Variants in PRIMPOL observed in about 807,000 individuals in gnomAD.
PRIMPOL encodes DNA-directed primase/polymerase protein.
Under a neutral mutation model 63.6 loss-of-function variants are expected in PRIMPOL, and 54 were observed. The ratio of observed to expected loss-of-function variants is 0.85; its 90% CI spans 0.68 to 1.07. The LOEUF is 1.07. Among genes scored for constraint, PRIMPOL ranks in the 50% least tolerant of loss-of-function variants. The probability of loss-of-function intolerance (pLI) is 0.00; values close to 1 mark genes in which losing one functional copy is unlikely to be tolerated. For missense variants in PRIMPOL, 610 were observed against 648.3 expected (o/e 0.94, Z 0.64); for synonymous variants, 197 against 220.2 (o/e 0.89, Z 0.93).
intron 2 of PRIMPOL, among the ~76,000 whole-genome samples, chr4:184,655,649 GTTTT>G (rs1453693141): frequency 3.9e-5 from 6 of 152,066 alleles, no homozygotes; most frequent in Non-Finnish European, 8.8e-5. Context: ...GGAGATTCTG[GTTTT>G]CCTTCCAGGA....
At chr4:184,673,295 A>G (rs1752367311) in intron 7 of PRIMPOL, among the ~76,000 whole-genome samples, 1 of 151,156 alleles carries the variant, frequency 6.6e-6, no homozygotes, top group African/African-American at 2.4e-5. Context: ...GCTCCCGGCT[A>G]ATTTTTTGTA....
At chr4:184,670,221 A>G (rs1357219537) in intron 6 of PRIMPOL, among the ~76,000 whole-genome samples, 1 of 152,220 alleles carries the variant, frequency 6.6e-6, no homozygotes, top group Non-Finnish European at 1.5e-5. Context: ...GCTCCATGCC[A>G]GGGTTCCAAG....
At chr4:184,688,590 G>T (rs1757610191) in intron 11 of PRIMPOL, among the ~76,000 whole-genome samples, 2 of 151,978 alleles carry the variant, frequency 1.3e-5, no homozygotes, top group African/African-American at 4.9e-5. Context: ...TCTGACTCAG[G>T]AGGAAACCCG....
intron 11 of PRIMPOL, among the ~76,000 whole-genome samples, chr4:184,687,697 C>T (rs1300086445): frequency 6.6e-6 from 1 of 152,218 alleles, no homozygotes; most frequent in Non-Finnish European, 1.5e-5. Flanking sequence ...TCACTGCAAC[C>T]TCTGTCTCCC....
intron 7 of PRIMPOL, among the ~76,000 whole-genome samples, chr4:184,676,186 C>T (rs1165445721): frequency 6.6e-6 from 1 of 151,730 alleles, no homozygotes. Context: ...GCAATCCTGC[C>T]GCCTTAAACT....
At chr4:184,662,045 A>G in intron 5 of PRIMPOL, 142 bp downstream of exon 5, 1 of 674,366 alleles carries the variant, frequency 1.5e-6, no homozygotes, top group Admixed American at 3.7e-5. Flanking sequence ...GGATTTTTTA[A>G]TATTACTTGT....
intron 11 of PRIMPOL, among the ~76,000 whole-genome samples, chr4:184,690,295 ATTG>A (rs1758152781): frequency 6.6e-6 from 1 of 152,104 alleles, no homozygotes; most frequent in Non-Finnish European, 1.5e-5. Flanking sequence ...TGTTCACAAT[ATTG>A]TTTTCTTAAA....
In PRIMPOL at chr4:184,671,983, G is replaced by A. The variant is rs576920510; in HGVS notation, c.557-190G>A. Among the ~76,000 whole-genome samples, 250 of 152,146 alleles carry A rather than the reference G, an allele frequency of 1.6e-3. 1 individual carries two copies. Among genetic ancestry groups the A allele is most frequent in the African/African-American group, 5.5e-3 (228 of 41,510 alleles). Reference sequence around the variant, plus strand: ...TCTCGATCTCCCGACCTTGTGATCCGCCCGCCTCGGCCTCCCAAAGTGCTG... The same window carrying A: ...TCTCGATCTCCCGACCTTGTGATCCACCCGCCTCGGCCTCCCAAAGTGCTG... On this transcript the variant is annotated intron_variant, in intron 6 of 13. Coordinates refer to ENST00000314970, the MANE Select transcript of PRIMPOL (RefSeq NM_152683.4).
At chr4:184,656,620 G>C (rs1746537561) in intron 2 of PRIMPOL, among the ~76,000 whole-genome samples, 1 of 152,128 alleles carries the variant, frequency 6.6e-6, no homozygotes, top group Non-Finnish European at 1.5e-5. Flanking sequence ...CTGTACATTG[G>C]TATCTAGAAA....
rs147811579 is a variant in PRIMPOL at position 184,689,604 on chromosome 4, C to T, written c.1296-1895C>T. Among the ~76,000 whole-genome samples the T allele has an allele frequency of 9.0e-3, 1,376 of 152,072 alleles. 21 individuals carry two copies. The highest frequency in any genetic ancestry group is 0.032 in the African/African-American group (1,321 of 41,438). Reference sequence around the variant, plus strand: ...AGTAGCTGGGATTACAGGTGCCCACCGCCACGCCTGGCTAATTTTTGTTGT... The same window carrying T: ...AGTAGCTGGGATTACAGGTGCCCACTGCCACGCCTGGCTAATTTTTGTTGT... On this transcript the variant is annotated intron_variant, in intron 11 of 13. Transcript: ENST00000314970.
At chr4:184,657,486 T>A in intron 3 of PRIMPOL, 166 bp downstream of exon 3, 1 of 548,624 alleles carries the variant, frequency 1.8e-6, no homozygotes, top group Non-Finnish European at 3.1e-6. Flanking sequence ...TAATGGCATG[T>A]GATTTAGGAA....
intron 6 of PRIMPOL, among the ~76,000 whole-genome samples, chr4:184,667,433 C>A (rs145233823): frequency 0.041 from 6,211 of 152,228 alleles, 177 homozygotes; most frequent in Non-Finnish European, 0.061. Context: ...GCCTCAGCCT[C>A]CCGAGTAGCT....
intron 13 of PRIMPOL, among the ~76,000 whole-genome samples, chr4:184,692,592 G>A (rs1282874701): frequency 2.6e-5 from 4 of 151,574 alleles, no homozygotes; most frequent in Admixed American, 6.6e-5. Flanking sequence ...GTTTTGGCAC[G>A]TACCTTCGAG....
At chr4:184,651,761 G>A (rs1162508588) in intron 1 of PRIMPOL, among the ~76,000 whole-genome samples, 1 of 152,040 alleles carries the variant, frequency 6.6e-6, no homozygotes, top group African/African-American at 2.4e-5. Context: ...TGATTCTCCT[G>A]CCTCAGCCTC....
chr4:184,666,163 C>G (rs1749825209), intron 6 of PRIMPOL, 99 bp downstream of exon 6: 1 of 904,656 alleles, frequency 1.1e-6, no homozygotes, highest in Admixed American at 3.2e-5. Context: ...GTTTTATGGT[C>G]ATTAACTTAT....
rs1161133289 is a variant in PRIMPOL at position 184,691,442 on chromosome 4, TTTTG to T, written c.1296-53_1296-50del. On this transcript the variant is annotated intron_variant, in intron 11 of 13. Coordinates refer to ENST00000314970, the MANE Select transcript of PRIMPOL (RefSeq NM_152683.4). ...TTTCTTGGAACAGCATGCAGCTGGATTTTGTTTTCTACCCAGTCTTGGTATTAAT... is the reference window on the plus strand; with the variant it reads ...TTTCTTGGAACAGCATGCAGCTGGATTTTTCTACCCAGTCTTGGTATTAAT... 4.8e-6 allele frequency: 5 copies of T among 1,035,756 alleles called. No homozygotes were observed. In the East Asian group the frequency reaches 1.2e-4, roughly 25 times the overall value. The allele number at this position is 1,035,756 out of a possible 1,614,324, so 64.2% of individuals were successfully genotyped here.
intron 5 of PRIMPOL, 71 bp from the exon 6 acceptor site, chr4:184,665,846 G>C: frequency 1.0e-6 from 1 of 1,002,844 alleles, no homozygotes; most frequent in East Asian, 2.7e-5. Flanking sequence ...TATATAAAGA[G>C]ATGCTTATTG....
chr4:184,693,578 T>C (rs1256136025), intron 13 of PRIMPOL, among the ~76,000 whole-genome samples: 1 of 152,238 alleles, frequency 6.6e-6, no homozygotes, highest in Non-Finnish European at 1.5e-5. Flanking sequence ...GTGTTATTTA[T>C]ACCTGCTTTT....
At position 184,682,445 on chromosome 4, in the gene PRIMPOL, C is replaced by A. The variant is rs776135654; in HGVS notation, c.1096+109C>A. On this transcript the variant is annotated intron_variant, in intron 9 of 13. Coordinates refer to ENST00000314970, the MANE Select transcript of PRIMPOL (RefSeq NM_152683.4). ...CTCACTGCAGCCTCCTCCTCCCAGG[C>A]TCAAGCCATCTCCTGCCTCAGCCTC... 1.4e-5 allele frequency: 8 copies of A among 580,006 alleles called. No homozygotes were observed. In the East Asian group the frequency reaches 2.1e-4, roughly 15 times the overall value. 35.9% of individuals were successfully genotyped at this position (580,006 alleles called of 1,614,324 possible).
Sources: allele counts gnomAD v4.1 joint callset (sites outside exome capture counted in the v4.1 genomes callset), GRCh38; gene constraint gnomAD v4.1.1; transcripts MANE v1.5; gene names NCBI Gene and HGNC (gene_info 2026-07-23, HGNC 2026-07-21).